The following ABI2 variants were observed in gnomAD, a reference collection of about 807,000 sequenced individuals.
ABI2 encodes abl interactor 2.
In ABI2, 25 loss-of-function variants were observed where a neutral mutation model predicts 59.2. That is an observed-to-expected ratio of 0.42 (90% CI 0.31 to 0.59). ABI2 has a LOEUF of 0.59. Ranked by LOEUF, ABI2 falls within the 20% of genes least tolerant of loss-of-function variation. The probability of loss-of-function intolerance (pLI) is 0.14; values close to 1 mark genes in which losing one functional copy is unlikely to be tolerated. For synonymous variants in ABI2, 213 were observed against 235.5 expected (o/e 0.90, Z 0.87); for missense variants, 545 against 681.8 (o/e 0.80, Z 2.23).
At chr2:203,345,236 A>G (rs1334049328) in intron 1 of ABI2, among the ~76,000 whole-genome samples, 2 of 152,318 alleles carry the variant, frequency 1.3e-5, no homozygotes, top group South Asian at 4.1e-4. Context: ...AAATAACTCC[A>G]GACACGCCAT....
At chr2:203,344,070 T>C (rs1251851397) in intron 1 of ABI2, among the ~76,000 whole-genome samples, 1 of 152,228 alleles carries the variant, frequency 6.6e-6, no homozygotes, top group Non-Finnish European at 1.5e-5. Context: ...GGTTGGAGGC[T>C]GCAGTGACCC....
At chr2:203,418,207 C>T (rs1203192064) in intron 11 of ABI2, among the ~76,000 whole-genome samples, 2 of 152,222 alleles carry the variant, frequency 1.3e-5, no homozygotes, top group Non-Finnish European at 2.9e-5. Context: ...AGAGTTGAAA[C>T]AATCATAGAC....
intron 1 of ABI2, among the ~76,000 whole-genome samples, chr2:203,335,408 C>T (rs2075985415): frequency 6.6e-6 from 1 of 152,136 alleles, no homozygotes; most frequent in Non-Finnish European, 1.5e-5. Context: ...CAGGCTTGTG[C>T]CACCATGCCC....
intron 11 of ABI2, among the ~76,000 whole-genome samples, chr2:203,426,809 A>G (rs2098437674): frequency 6.6e-6 from 1 of 151,444 alleles, no homozygotes; most frequent in African/African-American, 2.4e-5. Flanking sequence ...AAAAAACCAC[A>G]ATATGGTATC....
intron 11 of ABI2, among the ~76,000 whole-genome samples, chr2:203,424,302 G>A (rs1427503404): frequency 6.6e-6 from 1 of 152,210 alleles, no homozygotes; most frequent in Non-Finnish European, 1.5e-5. Flanking sequence ...TGGCTTTACA[G>A]TAAAGAATTA....
intron 1 of ABI2, among the ~76,000 whole-genome samples, chr2:203,333,763 A>C (rs1239887964): frequency 1.3e-5 from 2 of 152,098 alleles, no homozygotes; most frequent in East Asian, 3.9e-4. Context: ...TCATTTGTAC[A>C]CTTCCTACAC....
rs1247506869 is a variant in ABI2 at position 203,382,118 on chromosome 2, C to A, written c.463-71C>A. 15 of 1,307,820 alleles carry A rather than the reference C, an allele frequency of 1.1e-5. No individual in the cohort carries two copies. In the East Asian group the frequency reaches 3.6e-4, roughly 31 times the overall value. The allele number at this position is 1,307,820 out of a possible 1,614,324, so 81.0% of individuals were successfully genotyped here. On this transcript the variant is annotated intron_variant, in intron 3 of 11. Coordinates refer to ENST00000261018, the MANE Select transcript of ABI2 (RefSeq NM_001375670.1). ...TTCTTTTTTTCCTTTCTCTTCACAT[C>A]CTGAAGTTTCAACTAACCTTTCAAT... is the stretch of plus-strand genomic sequence containing the variant.
rs77296156 is a variant in ABI2 at position 203,402,330 on chromosome 2, C to T, written c.1034-246C>T. Among the ~76,000 whole-genome samples the T allele has an allele frequency of 2.6e-3, 394 of 152,244 alleles. 9 individuals carry two copies. In the East Asian group the frequency reaches 0.067, roughly 26 times the overall value. On this transcript the variant is annotated intron_variant, in intron 8 of 11. Transcript: ENST00000261018. ...GATTACAGGCATGAGTCACTGCACCCGGCCCTAATTAGTAAACTATTTAGA... is the reference window on the plus strand; with the variant it reads ...GATTACAGGCATGAGTCACTGCACCTGGCCCTAATTAGTAAACTATTTAGA...
chr2:203,419,686 T>A (rs1342129043), intron 11 of ABI2, among the ~76,000 whole-genome samples: 1 of 152,024 alleles, frequency 6.6e-6, no homozygotes, highest in African/African-American at 2.4e-5. Flanking sequence ...CTGTGCTTTG[T>A]ATTTTATGTG....
At chr2:203,411,517 A>ACG in intron 10 of ABI2, 146 bp downstream of exon 10, 1 of 656,290 alleles carries the variant, frequency 1.5e-6, no homozygotes, top group Non-Finnish European at 2.6e-6. Flanking sequence ...TGGAGATAAA[A>ACG]TAGAGAAATT....
At chr2:203,329,142 G>A (rs1000590388) in intron 1 of ABI2, 1 of 152,224 alleles carries the variant, frequency 6.6e-6, no homozygotes, top group Non-Finnish European at 1.5e-5. Context: ...AATATTTTAT[G>A]TTCTAAAGGG....
rs2098462911 is a variant in ABI2, at chr2:203,429,089, G to A, written c.*1737G>A. On this transcript the variant is annotated 3_prime_UTR_variant, in exon 12 of 12. Coordinates refer to ENST00000261018, the MANE Select transcript of ABI2 (RefSeq NM_001375670.1). ...AGAGTTTCCTTATCAAGACTTTTTG[G>A]TTTTAAAGTTGTTTTTAATGCATTG... 2 of 152,098 alleles carry A rather than the reference G, an allele frequency of 1.3e-5. No homozygotes were observed. The highest frequency in any genetic ancestry group is 4.8e-5 in the African/African-American group (2 of 41,436). The allele number at this position is 152,098 out of a possible 1,614,324, so 9.4% of individuals were successfully genotyped here.
chr2:203,405,119 GCTTT>G (rs1256646138), intron 9 of ABI2, among the ~76,000 whole-genome samples: 3 of 152,248 alleles, frequency 2.0e-5, no homozygotes, highest in Admixed American at 6.5e-5. Context: ...GGATTGTTAG[GCTTT>G]CTGTGTAATG....
intron 1 of ABI2, among the ~76,000 whole-genome samples, chr2:203,353,431 A>C (rs1055533840): frequency 6.6e-6 from 1 of 152,206 alleles, no homozygotes; most frequent in Non-Finnish European, 1.5e-5. Context: ...CAAAAAAATG[A>C]GTACCCCTTT....
chr2:203,402,681 A>G lies in ABI2; in HGVS notation c.1139A>G (p.Gln380Arg), dbSNP rs748384787. The G allele has an allele frequency of 7.5e-6, 12 of 1,607,306 alleles. No individual in the cohort carries two copies. The highest frequency in any genetic ancestry group is 1.0e-5 in the Non-Finnish European group (12 of 1,177,798). ...AGACGCCCTCCTTCCATTACTTCAC[A>G]AACAAGCCTTCAGAATCAGATGAAT... The part of the protein sequence containing the change: ...PYRRPPSITS[Q>R]TSLQNQMNGG... The change falls in exon 9 of 12, where the codon CAA becomes CGA. Residue 380 changes from glutamine to arginine, a missense_variant. Around this residue, in one of 4 missense-constraint regions of ABI2, gnomAD observed 410 missense variants for 435.6 expected, o/e 0.94. Coordinates refer to ENST00000261018, the MANE Select transcript of ABI2 (RefSeq NM_001375670.1).
chr2:203,376,006 A>G, intron 2 of ABI2: 1 of 1,336,358 alleles, frequency 7.5e-7, no homozygotes. Flanking sequence ...GATTACCTTT[A>G]TTATTATAGA....
At chr2:203,346,665 T>C (rs1211261295) in intron 1 of ABI2, among the ~76,000 whole-genome samples, 1 of 152,242 alleles carries the variant, frequency 6.6e-6, no homozygotes, top group East Asian at 1.9e-4. Context: ...TCTCATTCCA[T>C]GTTTCTGTTG....
At chr2:203,349,676 A>T (rs1576375867) in intron 1 of ABI2, among the ~76,000 whole-genome samples, 1 of 150,464 alleles carries the variant, frequency 6.6e-6, no homozygotes, top group Non-Finnish European at 1.5e-5. Flanking sequence ...AAGTGGTGGG[A>T]TTACAGGTGT....
At chr2:203,333,683 C>T (rs2152345378) in intron 1 of ABI2, among the ~76,000 whole-genome samples, 1 of 152,318 alleles carries the variant, frequency 6.6e-6, no homozygotes, top group South Asian at 2.1e-4. Context: ...CAGTCATCTT[C>T]AAGACCTTTG....
Sources: gnomAD v4.1 joint callset for allele counts (sites outside exome capture counted in the v4.1 genomes callset) on GRCh38, gnomAD v4.1.1 for gene constraint, gnomAD v4.1.1 regional missense constraint, MANE v1.5 for transcripts, NCBI Gene and HGNC (gene_info 2026-07-23, HGNC 2026-07-21) for gene names.